POU2F2: variants seen among roughly 807,000 people sequenced by gnomAD.
POU2F2 encodes the protein POU class 2 homeobox 2, also known as POU domain, class 2, transcription factor 2.
POU2F2 carries 14 observed loss-of-function variants against 63.5 expected under a neutral mutation model. The observed-to-expected ratio is 0.22, with a 90% CI of 0.15 to 0.34. The LOEUF is 0.34. Ranked by LOEUF, POU2F2 falls within the 10% of genes least tolerant of loss-of-function variation. The pLI is 1.00. For missense variants in POU2F2, 607 were observed against 815.2 expected (o/e 0.74, Z 3.11); for synonymous variants, 306 against 348.6 (o/e 0.88, Z 1.36).
chr19:42,148,086 C>T (rs991949841), intron 2 of POU2F2, among the ~76,000 whole-genome samples: 10 of 151,780 alleles, frequency 6.6e-5, no homozygotes, highest in African/African-American at 2.2e-4. Context: ...CTTCATCCTT[C>T]GCCCCCAAAG....
intron 2 of POU2F2, among the ~76,000 whole-genome samples, chr19:42,150,761 A>C (rs1444715622): frequency 6.6e-6 from 1 of 150,658 alleles, no homozygotes; most frequent in African/African-American, 2.4e-5. Context: ...TTATTCTTTT[A>C]ATTTTTTTTA....
At chr19:42,179,297 C>T (rs2034933679), upstream of POU2F2, among the ~76,000 whole-genome samples, 7 of 152,106 alleles carry the variant, frequency 4.6e-5, no homozygotes, top group South Asian at 1.5e-3. Flanking sequence ...TGCCCAGTCA[C>T]CAAGCACCTC....
At chr19:42,122,058 A>C in intron 4 of POU2F2, 68 bp downstream of exon 4, 1 of 1,478,848 alleles carries the variant, frequency 6.8e-7, no homozygotes, top group Non-Finnish European at 9.4e-7. Flanking sequence ...CCTTGGACTG[A>C]GGCAGGCCTC....
At chr19:42,178,143 T>G (rs1599723935), upstream of POU2F2, among the ~76,000 whole-genome samples, 9 of 116,716 alleles carry the variant, frequency 7.7e-5, no homozygotes, top group South Asian at 2.9e-4. Context: ...AGGAACAGAG[T>G]GGGGGGAGAG....
intron 4 of POU2F2, 110 bp downstream of exon 4, chr19:42,122,016 A>T: frequency 8.5e-7 from 1 of 1,176,166 alleles, no homozygotes; most frequent in Non-Finnish European, 1.3e-6. Flanking sequence ...GAACCTCGTT[A>T]CCAAGGTACC....
chr19:42,193,334 A>T (rs1197004464), intron 1 of POU2F2, among the ~76,000 whole-genome samples: 1 of 152,206 alleles, frequency 6.6e-6, no homozygotes, highest in Non-Finnish European at 1.5e-5. Context: ...AGATGTAATT[A>T]AAGATTGTGA....
chr19:42,105,996 CTT>C (rs1177139816), intron 5 of POU2F2, among the ~76,000 whole-genome samples: 1 of 134,116 alleles, frequency 7.5e-6, no homozygotes, highest in Non-Finnish European at 1.6e-5. Context: ...TAGGATCTTT[CTT>C]TTTTCTTTCT....
At position 42,092,358 on chromosome 19, in the gene POU2F2, G is replaced by A. The variant is rs1055464016; in HGVS notation, c.1265-88C>T. The A allele has an allele frequency of 9.7e-5, 99 of 1,017,262 alleles. No homozygotes were observed. Among genetic ancestry groups the A allele is most frequent in the Middle Eastern group, 2.0e-4 (1 of 4,900 alleles). 63.0% of individuals were successfully genotyped at this position (1,017,262 alleles called of 1,614,324 possible). Reference sequence around the variant, plus strand: ...GGGGTCAGCTCCTACTTGTCCTCCCGCCCAGCTCACGCAGCATCTCCTCAG... The same window carrying A: ...GGGGTCAGCTCCTACTTGTCCTCCCACCCAGCTCACGCAGCATCTCCTCAG... On this transcript the variant is annotated intron_variant, in intron 12 of 14. Transcript: ENST00000692977. This position sits in a 1 kb window ranked among gnomAD's most constrained non-coding sequence, Gnocchi z 5.0.
exon 1 of POU2F2, chr19:42,175,973 C>CCCA (rs907806568): frequency 6.6e-6 from 1 of 152,042 alleles, no homozygotes; most frequent in African/African-American, 2.4e-5. Flanking sequence ...CTCTCCCCCC[C>CCCA]CATTGCACCC....
At chr19:42,194,534 G>A (rs1310221721) in intron 1 of POU2F2, among the ~76,000 whole-genome samples, 11 of 151,914 alleles carry the variant, frequency 7.2e-5, no homozygotes, top group Non-Finnish European at 1.5e-4. Flanking sequence ...CGAGGCTGGC[G>A]GATCACCTGA....
chr19:42,161,582 G>C (rs531054801), intron 1 of POU2F2, among the ~76,000 whole-genome samples: 3 of 151,994 alleles, frequency 2.0e-5, no homozygotes, highest in Admixed American at 6.6e-5. Context: ...CTGAGAAGGA[G>C]GGGGAGAGAG....
Position 42,162,091 on chromosome 19 carries a change from C to T in POU2F2, c.-69-1699G>A, listed in dbSNP as rs889850816. On this transcript the variant is annotated intron_variant, in intron 1 of 6. Transcript: ENST00000524801. This position sits in a 1 kb window ranked among gnomAD's most constrained non-coding sequence, Gnocchi z 4.1. ...GGTGGGCGAGGGAATCCCCAGGCCT[C>T]GGGGGGGCCAGAGTCAGACAGCGCC... Among the ~76,000 whole-genome samples, 5 of 152,068 alleles carry T rather than the reference C, an allele frequency of 3.3e-5. No homozygotes were observed. Among genetic ancestry groups the T allele is most frequent in the African/African-American group, 4.8e-5 (2 of 41,416 alleles).
intron 1 of POU2F2, among the ~76,000 whole-genome samples, chr19:42,165,613 C>T (rs1333928470): frequency 2.0e-5 from 3 of 152,172 alleles, no homozygotes; most frequent in African/African-American, 7.2e-5. Context: ...AACATGGGGT[C>T]GGCCACTTCC....
At chr19:42,093,769 AG>A (rs769182950) in intron 12 of POU2F2, 59 bp downstream of exon 12, 1 of 1,534,630 alleles carries the variant, frequency 6.5e-7, no homozygotes, top group Non-Finnish European at 8.9e-7. Flanking sequence ...TGGGAACCTC[AG>A]GCTCCAGCCT....
chr19:42,145,660 T>G (rs1403994953), intron 2 of POU2F2, among the ~76,000 whole-genome samples: 1 of 152,104 alleles, frequency 6.6e-6, no homozygotes, highest in Non-Finnish European at 1.5e-5. Flanking sequence ...TTAGGCTGGG[T>G]GCAGTGGCTC....
Position 42,095,502 on chromosome 19 carries a change from G to A in POU2F2, c.1021-40C>T, listed in dbSNP as rs376169095. On this transcript the variant is annotated intron_variant, in intron 10 of 14. Coordinates refer to ENST00000692977, the MANE Select transcript of POU2F2 (RefSeq NM_001394376.1). This position sits in a 1 kb window ranked among gnomAD's most constrained non-coding sequence, Gnocchi z 7.1. ...CTCGTTAGCCCGAGGCCCACCGCCC[G>A]CCACCCCTCAGGTGAGGGCCACCCA... The A allele has an allele frequency of 1.4e-5, 23 of 1,603,982 alleles. No individual in the cohort carries two copies. Among genetic ancestry groups the A allele is most frequent in the Admixed American group, 6.8e-5 (4 of 59,256 alleles).
chr19:42,152,883 G>A lies in POU2F2; in HGVS notation c.-9+7449C>T, dbSNP rs982570178. 6.6e-6 allele frequency among the ~76,000 whole-genome samples: 1 copy of A among 152,320 alleles called. No individual in the cohort carries two copies. The highest frequency in any genetic ancestry group is 2.4e-5 in the African/African-American group (1 of 41,560). ...GTGACGGACAGAGCTCTGGGAGGTG[G>A]GCAGGGGGCACCTGTGGGTTCAGAG... On this transcript the variant is annotated intron_variant, in intron 2 of 6. Coordinates refer to the POU2F2 transcript ENST00000524801. The surrounding 1 kb of genome is among the most constrained non-coding windows in gnomAD (Gnocchi z 4.1).
intron 4 of POU2F2, 165 bp downstream of exon 4, chr19:42,121,961 G>A: frequency 1.4e-6 from 1 of 711,490 alleles, no homozygotes; most frequent in Admixed American, 2.4e-5. Flanking sequence ...GCCTGCGTGA[G>A]TCACAGGCCT....
chr19:42,108,467 C>T lies in POU2F2; in HGVS notation c.370-8646G>A, dbSNP rs138025458. The stretch of plus-strand genomic sequence containing the variant: ...GCACGTGCCTGTAGTCCCAGCTACT[C>T]GGGAGACTGAGGTGGGAGGATGGCC... On this transcript the variant is annotated intron_variant, in intron 5 of 14. Coordinates refer to ENST00000692977, the MANE Select transcript of POU2F2 (RefSeq NM_001394376.1). 2.0e-4 allele frequency among the ~76,000 whole-genome samples: 31 copies of T among 151,960 alleles called. No homozygotes were observed. In the East Asian group the frequency reaches 4.4e-3, roughly 22 times the overall value.
Sources: allele counts gnomAD v4.1 joint callset (sites outside exome capture counted in the v4.1 genomes callset), GRCh38; gene constraint gnomAD v4.1.1; non-coding constraint Gnocchi (gnomAD v3.1); transcripts MANE v1.5; gene names NCBI Gene and HGNC (gene_info 2026-07-23, HGNC 2026-07-21).